Variants in ARL15 observed in about 807,000 individuals in gnomAD.
The protein encoded by ARL15 is ADP-ribosylation factor-like protein 15.
In ARL15, 19 loss-of-function variants were observed where a neutral mutation model predicts 25.2. The observed-to-expected ratio is 0.75, with a 90% CI of 0.53 to 1.10. ARL15 has a LOEUF of 1.10. Among genes scored for constraint, ARL15 ranks in the 50% least tolerant of loss-of-function variants. The pLI is 0.00. For missense variants in ARL15, 220 were observed against 246.0 expected (o/e 0.89, Z 0.71); for synonymous variants, 94 against 86.8 (o/e 1.08, Z -0.46).
intron 1 of ARL15, among the ~76,000 whole-genome samples, chr5:54,224,952 A>G (rs1171905466): frequency 6.6e-6 from 1 of 152,220 alleles, no homozygotes; most frequent in Non-Finnish European, 1.5e-5. Flanking sequence ...TGTGAATCTA[A>G]TGGGAAAATA....
chr5:54,191,235 T>A (rs1755391620), intron 1 of ARL15, among the ~76,000 whole-genome samples: 1 of 152,178 alleles, frequency 6.6e-6, no homozygotes, highest in Admixed American at 6.5e-5. Flanking sequence ...ACAGTTTGAC[T>A]CTACTTATAT....
At chr5:54,198,376 C>A (rs1353134045) in intron 1 of ARL15, among the ~76,000 whole-genome samples, 4 of 151,672 alleles carry the variant, frequency 2.6e-5, no homozygotes, top group African/African-American at 9.7e-5. Flanking sequence ...GCAGACGACA[C>A]AATTGGATAT....
At chr5:54,108,269 G>A (rs375659657) in intron 4 of ARL15, among the ~76,000 whole-genome samples, 8 of 151,972 alleles carry the variant, frequency 5.3e-5, no homozygotes, top group East Asian at 1.9e-4. Flanking sequence ...TTGTAACAGC[G>A]TGCAGTGCAT....
intron 4 of ARL15, among the ~76,000 whole-genome samples, chr5:53,952,962 T>C (rs1055629384): frequency 6.6e-6 from 1 of 152,198 alleles, no homozygotes; most frequent in Non-Finnish European, 1.5e-5. Context: ...GGATAAAATC[T>C]CAAAGCAGAG....
chr5:54,264,113 C>A (rs1757564093), intron 1 of ARL15, among the ~76,000 whole-genome samples: 1 of 152,142 alleles, frequency 6.6e-6, no homozygotes, highest in African/African-American at 2.4e-5. Context: ...GATTACTGCA[C>A]AAGCCTCCTG....
chr5:53,948,728 C>T (rs573772460), intron 4 of ARL15, among the ~76,000 whole-genome samples: 12 of 152,192 alleles, frequency 7.9e-5, no homozygotes, highest in African/African-American at 2.4e-4. Flanking sequence ...AGGGGTCATA[C>T]ACTTGCTAAA....
chr5:54,140,513 C>T (rs1753744519), intron 3 of ARL15, among the ~76,000 whole-genome samples: 2 of 151,840 alleles, frequency 1.3e-5, no homozygotes, highest in East Asian at 3.9e-4. Flanking sequence ...TTAAAATCTA[C>T]CATTATCTTA....
At chr5:53,923,200 C>A (rs1226752423) in intron 4 of ARL15, among the ~76,000 whole-genome samples, 3 of 152,140 alleles carry the variant, frequency 2.0e-5, no homozygotes, top group Non-Finnish European at 4.4e-5. Flanking sequence ...AAGGGTGAGT[C>A]AGGATGGAAC....
chr5:54,151,553 A>C (rs1754069778), intron 3 of ARL15, among the ~76,000 whole-genome samples: 1 of 152,214 alleles, frequency 6.6e-6, no homozygotes, highest in Non-Finnish European at 1.5e-5. Context: ...ACATGAAAAG[A>C]AATTGATGTG....
At chr5:54,221,164 C>A (rs1293568648) in intron 1 of ARL15, among the ~76,000 whole-genome samples, 1 of 152,136 alleles carries the variant, frequency 6.6e-6, no homozygotes, top group African/African-American at 2.4e-5. Context: ...TAGTTAAGAA[C>A]AACTAACAAC....
intron 4 of ARL15, among the ~76,000 whole-genome samples, chr5:53,966,994 G>A (rs2095943861): frequency 6.6e-6 from 1 of 152,102 alleles, no homozygotes; most frequent in Non-Finnish European, 1.5e-5. Context: ...ATATAATAAT[G>A]TCATGAAAAA....
At chr5:54,190,236 C>CA (rs990719458) in intron 1 of ARL15, among the ~76,000 whole-genome samples, 2 of 151,704 alleles carry the variant, frequency 1.3e-5, no homozygotes, top group African/African-American at 2.4e-5. Flanking sequence ...ACTAAAGATA[C>CA]AAAAAAATTA....
chr5:54,186,155 T>TAA (rs1755229880), intron 1 of ARL15, among the ~76,000 whole-genome samples: 1 of 152,170 alleles, frequency 6.6e-6, no homozygotes, highest in African/African-American at 2.4e-5. Context: ...GACAAAAGCA[T>TAA]AACAGAGCAG....
At chr5:53,977,614 C>G (rs569546114) in intron 4 of ARL15, among the ~76,000 whole-genome samples, 3 of 152,294 alleles carry the variant, frequency 2.0e-5, no homozygotes, top group Admixed American at 1.3e-4. Context: ...CCAGAACAAA[C>G]TAAGGCAAGT....
intron 4 of ARL15, among the ~76,000 whole-genome samples, chr5:53,979,866 T>TGG (rs1748065755): frequency 7.5e-6 from 1 of 132,846 alleles, no homozygotes; most frequent in South Asian, 2.3e-4. Context: ...TGTGTGTGTG[T>TGG]GTGTGTGTGT....
chr5:53,998,628 A>G (rs2111706820), intron 4 of ARL15, among the ~76,000 whole-genome samples: 1 of 152,354 alleles, frequency 6.6e-6, no homozygotes, highest in South Asian at 2.1e-4. Context: ...TGGAATATTT[A>G]CATAAGAGAT....
intron 1 of ARL15, among the ~76,000 whole-genome samples, chr5:54,257,852 T>G (rs999684596): frequency 6.6e-6 from 1 of 152,144 alleles, no homozygotes; most frequent in Non-Finnish European, 1.5e-5. Flanking sequence ...TGCTTTCCTG[T>G]TGGTTTTTTT....
chr5:54,227,548 C>T (rs2112545931), intron 1 of ARL15, among the ~76,000 whole-genome samples: 1 of 152,256 alleles, frequency 6.6e-6, no homozygotes, highest in East Asian at 1.9e-4. Context: ...AGAATTTAGC[C>T]CTTTCCACTA....
At chr5:54,034,259 G>T (rs1269844404) in intron 4 of ARL15, among the ~76,000 whole-genome samples, 1 of 152,184 alleles carries the variant, frequency 6.6e-6, no homozygotes, top group Non-Finnish European at 1.5e-5. Flanking sequence ...GTTGTGGATT[G>T]ATTTGATTCC....
Sources: allele counts gnomAD v4.1 joint callset (sites outside exome capture counted in the v4.1 genomes callset), GRCh38; gene constraint gnomAD v4.1.1; transcripts MANE v1.5; gene names NCBI Gene and HGNC (gene_info 2026-07-23, HGNC 2026-07-21).